Variants in MIER1 observed in about 807,000 individuals in gnomAD.
MIER1 encodes mesoderm induction early response protein 1.
MIER1 carries 40 observed loss-of-function variants against 75.7 expected under a neutral mutation model. The ratio of observed to expected loss-of-function variants is 0.53; its 90% CI spans 0.41 to 0.69. The LOEUF (loss-of-function observed/expected upper bound fraction) is 0.69, where lower values mean the gene tolerates loss of function less well. MIER1 is among the 30% of genes least tolerant of loss of function. The pLI, the probability that MIER1 is intolerant of heterozygous loss-of-function variation, is 0.00. For missense variants in MIER1, 574 were observed against 680.2 expected (o/e 0.84, Z 1.74); for synonymous variants, 213 against 223.4 (o/e 0.95, Z 0.42).
chr1:66,927,169 T>C (rs2100996696), intron 2 of MIER1, among the ~76,000 whole-genome samples: 1 of 152,278 alleles, frequency 6.6e-6, no homozygotes, highest in East Asian at 1.9e-4. Context: ...ATTCAGTAAA[T>C]TGCTTACAAA....
chr1:66,929,883 C>A (rs1652657399), intron 2 of MIER1, among the ~76,000 whole-genome samples: 1 of 152,142 alleles, frequency 6.6e-6, no homozygotes, highest in African/African-American at 2.4e-5. Context: ...ACAGCAACAT[C>A]CGTTTTTCAG....
At chr1:66,978,682 G>A (rs1213431662) in intron 12 of MIER1, among the ~76,000 whole-genome samples, 2 of 151,988 alleles carry the variant, frequency 1.3e-5, no homozygotes, top group African/African-American at 2.4e-5. Flanking sequence ...ATGTTCACAC[G>A]TGAGCTACAT....
chr1:66,985,445 A>T lies in MIER1; in HGVS notation c.*545A>T, dbSNP rs1369008757. On this transcript the variant is annotated 3_prime_UTR_variant, in exon 14 of 14. Coordinates refer to ENST00000401041, the MANE Select transcript of MIER1 (RefSeq NM_001077700.3). ...AAAATTATGCTAGCATGATTTTTTT[A>T]TATATAGAAGTTTAAAAATAAACCA... 44 of 983,140 alleles carry T rather than the reference A, an allele frequency of 4.5e-5. No homozygotes were observed. Among genetic ancestry groups the T allele is most frequent in the Non-Finnish European group, 5.3e-5 (44 of 827,872 alleles). The allele number at this position is 983,140 out of a possible 1,614,324, so 60.9% of individuals were successfully genotyped here.
intron 7 of MIER1, 91 bp downstream of exon 7, chr1:66,959,834 A>G (rs959254650): frequency 1.9e-6 from 1 of 520,556 alleles, no homozygotes; most frequent in Non-Finnish European, 3.3e-6. Context: ...CTAACTATGT[A>G]TATTGATAAA....
chr1:66,962,185 A>G (rs968665659), intron 7 of MIER1, among the ~76,000 whole-genome samples: 2 of 152,184 alleles, frequency 1.3e-5, no homozygotes, highest in African/African-American at 4.8e-5. Context: ...TTTTGAGAAC[A>G]TCCAGTTTCA....
At chr1:66,951,319 G>A (rs1359280492) in intron 4 of MIER1, among the ~76,000 whole-genome samples, 1 of 151,996 alleles carries the variant, frequency 6.6e-6, no homozygotes, top group Non-Finnish European at 1.5e-5. Flanking sequence ...TGTAGAGATG[G>A]GGTCTTGCTC....
At chr1:66,933,842 T>C (rs1436844315) in intron 2 of MIER1, among the ~76,000 whole-genome samples, 1 of 152,208 alleles carries the variant, frequency 6.6e-6, no homozygotes, top group African/African-American at 2.4e-5. Flanking sequence ...TACTTTAAGA[T>C]AATTCTGGTA....
intron 7 of MIER1, among the ~76,000 whole-genome samples, chr1:66,961,971 C>T (rs1163115665): frequency 2.6e-5 from 4 of 152,172 alleles, no homozygotes; most frequent in Non-Finnish European, 1.5e-5. Context: ...CTCCTCACAT[C>T]AGTGAGGTAA....
At position 66,970,841 on chromosome 1, in the gene MIER1, C is replaced by T; in HGVS notation, c.806C>T (p.Pro269Leu). 6.3e-7 allele frequency: 1 copy of T among 1,582,956 alleles called. No individual in the cohort carries two copies. The highest frequency in any genetic ancestry group is 8.5e-7 in the Non-Finnish European group (1 of 1,170,372). Residue 269 changes from proline (P) to leucine (L), a missense_variant, in exon 9 of 14, where the codon CCT becomes CTT. This residue lies in a region of MIER1 where 309 missense variants were observed against 352.8 expected (regional missense o/e 0.88). Transcript: ENST00000401041. Reference protein sequence around the residue: ...YENDDQLLWDPEYLPEDKVII... With the variant: ...YENDDQLLWDLEYLPEDKVII... ...AATGATGATCAGCTCCTGTGGGACC[C>T]TGAGTACTTACCAGAAGATAAAGTG...
chr1:66,925,042 C>T lies in MIER1; in HGVS notation c.14C>T (p.Ser5Phe). 5 of 1,549,826 alleles carry T rather than the reference C, an allele frequency of 3.2e-6. No individual in the cohort carries two copies. Among genetic ancestry groups the T allele is most frequent in the Non-Finnish European group, 2.6e-6 (3 of 1,146,282 alleles). ...GGCTGCAGGCGGATGGATGGGGCTT[C>T]TTCAGGCGGTGGCGGCAGCAGCGAA... MDGA[S>F]SGGGGSSEGG... The change falls in exon 1 of 14, where the codon TCT (serine) becomes TTT (phenylalanine). Residue 5 changes from serine (S) to phenylalanine (F), a missense_variant. By Grantham distance (155) the Ser-to-Phe change is radical. This residue lies in a region of MIER1 where 309 missense variants were observed against 352.8 expected (regional missense o/e 0.88). Coordinates refer to ENST00000401041, the MANE Select transcript of MIER1 (RefSeq NM_001077700.3).
In MIER1 at chr1:66,925,052, T is replaced by C; in HGVS notation, c.24T>C (p.Gly8=). Residue 8 remains glycine (G), a synonymous_variant, in exon 1 of 14, where the codon GGT becomes GGC. Transcript: ENST00000401041. MDGASSG[G]GGSSEGGGGS... ...GGATGGATGGGGCTTCTTCAGGCGG[T>C]GGCGGCAGCAGCGAAGGTGGCGGCG... 1.3e-6 allele frequency: 2 copies of C among 1,549,098 alleles called. No homozygotes were observed. Among genetic ancestry groups the C allele is most frequent in the Non-Finnish European group, 1.7e-6 (2 of 1,146,068 alleles).
In MIER1 at chr1:66,971,217, C is replaced by T. The variant is rs149358058; in HGVS notation, c.924+258C>T. ...GCTTTTTAAAATTCCTTTGGCTATC[C>T]CTAAGAATCTGTGTATATCAAGTTG... On this transcript the variant is annotated intron_variant, in intron 9 of 13. Coordinates refer to ENST00000401041, the MANE Select transcript of MIER1 (RefSeq NM_001077700.3). 4.6e-5 allele frequency among the ~76,000 whole-genome samples: 7 copies of T among 152,094 alleles called. No homozygotes were observed. The East Asian group carries it at 1.2e-3, about 25-fold the overall frequency.
At chr1:66,969,539 C>A (rs955798892) in intron 8 of MIER1, among the ~76,000 whole-genome samples, 1 of 75,250 alleles carries the variant, frequency 1.3e-5, no homozygotes, top group Non-Finnish European at 2.3e-5. Flanking sequence ...AGCAAGACTT[C>A]GTCTCCAAAA....
intron 2 of MIER1, among the ~76,000 whole-genome samples, chr1:66,930,673 G>T (rs1315661482): frequency 1.3e-5 from 2 of 151,892 alleles, no homozygotes; most frequent in Non-Finnish European, 2.9e-5. Flanking sequence ...GGGAGGGGGC[G>T]CCCGCCGGGG....
At chr1:66,970,727 G>A (rs1663424421) in intron 8 of MIER1, 81 bp from the exon 9 acceptor site, 1 of 1,110,848 alleles carries the variant, frequency 9.0e-7, no homozygotes, top group Admixed American at 2.9e-5. Flanking sequence ...TTGGCTCTGA[G>A]TTGTTTATTT....
chr1:66,934,495 C>G (rs1237876486), intron 2 of MIER1, among the ~76,000 whole-genome samples: 4 of 149,584 alleles, frequency 2.7e-5, no homozygotes, highest in Non-Finnish European at 5.9e-5. Flanking sequence ...ACCTCAAACT[C>G]CTGGGCTCAG....
chr1:66,929,199 TGTA>T, intron 2 of MIER1: 1 of 528,968 alleles, frequency 1.9e-6, no homozygotes. Context: ...ATTTATGCAA[TGTA>T]GTATTGGTTC....
intron 1 of MIER1, among the ~76,000 whole-genome samples, chr1:66,925,883 C>T (rs1298943393): frequency 6.6e-6 from 1 of 152,210 alleles, no homozygotes; most frequent in African/African-American, 2.4e-5. Context: ...GGCCGCTTCA[C>T]CAAGATGACC....
At chr1:66,966,209 C>T (rs997571105) in intron 8 of MIER1, among the ~76,000 whole-genome samples, 6 of 152,140 alleles carry the variant, frequency 3.9e-5, no homozygotes, top group Non-Finnish European at 7.4e-5. Flanking sequence ...CGACAGGCCC[C>T]GGTGTGTGAT....
Sources: allele counts gnomAD v4.1 joint callset (sites outside exome capture counted in the v4.1 genomes callset), GRCh38; gene constraint gnomAD v4.1.1; regional missense constraint gnomAD v4.1.1; transcripts MANE v1.5; gene names NCBI Gene and HGNC (gene_info 2026-07-23, HGNC 2026-07-21).